RHPN2: variants seen among roughly 807,000 people sequenced by gnomAD.
RHPN2 encodes rhophilin Rho GTPase binding protein 2, also known as rhophilin-2.
RHPN2 carries 40 observed loss-of-function variants against 79.0 expected under a neutral mutation model. The ratio of observed to expected loss-of-function variants is 0.51; its 90% CI spans 0.39 to 0.66. RHPN2 has a LOEUF of 0.66. Ranked by LOEUF, RHPN2 falls within the 30% of genes least tolerant of loss-of-function variation. The pLI is 0.00. For synonymous variants in RHPN2, 285 were observed against 363.5 expected (o/e 0.78, Z 2.46); for missense variants, 686 against 883.5 (o/e 0.78, Z 2.83).
chr19:33,023,979 G>A (rs961827759), intron 3 of RHPN2, among the ~76,000 whole-genome samples: 6 of 152,014 alleles, frequency 3.9e-5, no homozygotes, highest in African/African-American at 1.2e-4. Flanking sequence ...CCTGCTCTTC[G>A]GCATGGCAAA....
intron 13 of RHPN2, chr19:32,990,909 G>A (rs1173093274): frequency 6.4e-6 from 3 of 471,286 alleles, no homozygotes; most frequent in Non-Finnish European, 7.8e-6. Flanking sequence ...GGCACCTGTA[G>A]TCCTAGCTAC....
intron 1 of RHPN2, among the ~76,000 whole-genome samples, chr19:33,053,417 C>T (rs1568327178): frequency 2.1e-5 from 3 of 144,234 alleles, no homozygotes; most frequent in African/African-American, 8.1e-5. Context: ...ACAGTTTTAA[C>T]AGTTTTGCTT....
chr19:33,045,598 C>A (rs1300781521), intron 1 of RHPN2, among the ~76,000 whole-genome samples: 1 of 151,852 alleles, frequency 6.6e-6, no homozygotes, highest in African/African-American at 2.4e-5. Flanking sequence ...CTCAGCCTCC[C>A]GAGTAGCTGG....
At chr19:33,022,212 T>C (rs747206356) in intron 3 of RHPN2, among the ~76,000 whole-genome samples, 29 of 152,346 alleles carry the variant, frequency 1.9e-4, no homozygotes, top group Non-Finnish European at 3.5e-4. Context: ...CCTCCCAATG[T>C]GCTGGGATGA....
At chr19:33,025,291 G>A (rs1447829771) in intron 3 of RHPN2, among the ~76,000 whole-genome samples, 2 of 138,038 alleles carry the variant, frequency 1.4e-5, no homozygotes, top group Non-Finnish European at 1.5e-5. Flanking sequence ...TGGGCAACAT[G>A]ATGAAACCCT....
intron 1 of RHPN2, among the ~76,000 whole-genome samples, chr19:33,062,148 T>A (rs1807552069): frequency 1.3e-5 from 2 of 152,182 alleles, no homozygotes; most frequent in South Asian, 4.1e-4. Flanking sequence ...AAACAATGAT[T>A]CCTCTTATTT....
intron 9 of RHPN2, among the ~76,000 whole-genome samples, chr19:33,001,659 T>G (rs1322337663): frequency 6.6e-6 from 1 of 152,140 alleles, no homozygotes; most frequent in Non-Finnish European, 1.5e-5. Context: ...CAGGCTGGAG[T>G]GCAGTGGCAC....
At chr19:33,015,623 A>G (rs1971871762) in intron 4 of RHPN2, among the ~76,000 whole-genome samples, 1 of 152,230 alleles carries the variant, frequency 6.6e-6, no homozygotes, top group African/African-American at 2.4e-5. Flanking sequence ...AAAACCCAAT[A>G]GCATCAACTG....
chr19:33,062,913 C>A (rs1344647664), intron 1 of RHPN2, among the ~76,000 whole-genome samples: 2 of 152,258 alleles, frequency 1.3e-5, no homozygotes, highest in African/African-American at 2.4e-5. Context: ...ACACGGAGGG[C>A]TCCCACAGGA....
At chr19:33,055,970 A>G (rs1972229137) in intron 1 of RHPN2, among the ~76,000 whole-genome samples, 1 of 152,114 alleles carries the variant, frequency 6.6e-6, no homozygotes, top group Admixed American at 6.5e-5. Context: ...GGCAGAGATA[A>G]GAAGTGACAA....
Position 33,048,303 on chromosome 19 carries a change from G to A in RHPN2, c.70-3939C>T, listed in dbSNP as rs543547006. ...ACTCCTGACCTCAGGTGATCCACCCGCCTCGGCCTCCCAAAGTGCTGGGAT... is the reference window on the plus strand; with the variant it reads ...ACTCCTGACCTCAGGTGATCCACCCACCTCGGCCTCCCAAAGTGCTGGGAT... On this transcript the variant is annotated intron_variant, in intron 1 of 14. Coordinates refer to ENST00000254260, the MANE Select transcript of RHPN2 (RefSeq NM_033103.5). Among the ~76,000 whole-genome samples the A allele has an allele frequency of 5.3e-5, 8 of 151,628 alleles. No homozygotes were observed. The South Asian group carries it at 1.3e-3, about 24-fold the overall frequency.
At chr19:33,023,784 C>CAAAA (rs61273503) in intron 3 of RHPN2, among the ~76,000 whole-genome samples, 1 of 110,576 alleles carries the variant, frequency 9.0e-6, no homozygotes, top group African/African-American at 3.1e-5. Flanking sequence ...GACTCCATCT[C>CAAAA]AAAAAAAAAA....
chr19:33,022,217 G>T (rs942934880), intron 3 of RHPN2, among the ~76,000 whole-genome samples: 1 of 152,168 alleles, frequency 6.6e-6, no homozygotes, highest in East Asian at 1.9e-4. Context: ...CAATGTGCTG[G>T]GATGACGGGC....
chr19:33,018,966 G>A (rs1971900709), intron 4 of RHPN2, among the ~76,000 whole-genome samples: 1 of 151,320 alleles, frequency 6.6e-6, no homozygotes, highest in Non-Finnish European at 1.5e-5. Context: ...GGGAGGCGGA[G>A]GTTGCAGTGA....
intron 8 of RHPN2, 147 bp downstream of exon 8, chr19:33,002,666 G>A: frequency 6.7e-6 from 6 of 897,182 alleles, no homozygotes; most frequent in Non-Finnish European, 8.8e-6. Flanking sequence ...CACTTGCCAA[G>A]AAAACTCAAG....
chr19:32,995,029 A>G (rs1260538565), intron 11 of RHPN2, among the ~76,000 whole-genome samples: 1 of 152,170 alleles, frequency 6.6e-6, no homozygotes, highest in Non-Finnish European at 1.5e-5. Flanking sequence ...TGGAAGTTCC[A>G]TGCCTCACTG....
intron 1 of RHPN2, among the ~76,000 whole-genome samples, chr19:33,055,749 C>A (rs371699887): frequency 0.028 from 3,419 of 122,842 alleles, 102 homozygotes; most frequent in South Asian, 0.15. Context: ...AAAAAAAAAA[C>A]AACAACAAAC....
intron 14 of RHPN2, among the ~76,000 whole-genome samples, chr19:32,988,244 C>T (rs1330813421): frequency 6.6e-6 from 1 of 151,574 alleles, no homozygotes; most frequent in Non-Finnish European, 1.5e-5. Flanking sequence ...AAAACAACAA[C>T]AACAGAAAAA....
rs565912737 is a variant in RHPN2, at chr19:32,980,215, C to G, written c.1842G>C (p.Thr614=). The change falls in exon 15 of 15, where the codon ACG becomes ACC. Residue 614 remains threonine, a synonymous_variant. Transcript: ENST00000254260. ...CAATGGCTAAGCAGATCATGGAGTA[C>G]GTTTTCTGCATTCCCACGGAGTATG... ...SATYSVGMQK[T]YSMICLAIDD... is the part of the protein sequence containing the mutation. 2 of 1,613,814 alleles carry G rather than the reference C, an allele frequency of 1.2e-6. No homozygotes were observed.
Sources: gnomAD v4.1 joint callset for allele counts (sites outside exome capture counted in the v4.1 genomes callset) on GRCh38, gnomAD v4.1.1 for gene constraint, MANE v1.5 for transcripts, NCBI Gene and HGNC (gene_info 2026-07-23, HGNC 2026-07-21) for gene names.